The following NTRK3 variants were observed in gnomAD, a reference collection of about 807,000 sequenced individuals.
NTRK3 encodes the protein NT-3 growth factor receptor.
A neutral mutation model predicts 91.7 loss-of-function variants in NTRK3; 24 were observed. The observed-to-expected ratio is 0.26, with a 90% CI of 0.19 to 0.37. The LOEUF (loss-of-function observed/expected upper bound fraction) is 0.37, where lower values mean the gene tolerates loss of function less well. Ranked by LOEUF, NTRK3 falls within the 10% of genes least tolerant of loss-of-function variation. NTRK3 has a pLI of 1.00. For missense variants in NTRK3, 880 were observed against 1,068.9 expected (o/e 0.82, Z 2.46); for synonymous variants, 483 against 404.0 (o/e 1.20, Z -2.34).
chr15:88,036,925 G>A (rs371687227), intron 13 of NTRK3, among the ~76,000 whole-genome samples: 4 of 152,322 alleles, frequency 2.6e-5, no homozygotes, highest in African/African-American at 9.6e-5. Context: ...TTTTGTGAAA[G>A]GCTGTTTCTT....
At chr15:88,187,444 C>T (rs1317060981) in intron 3 of NTRK3, among the ~76,000 whole-genome samples, 1 of 152,068 alleles carries the variant, frequency 6.6e-6, no homozygotes, top group Non-Finnish European at 1.5e-5. Flanking sequence ...GTGACTCTGC[C>T]GGCTGGTGTG....
intron 6 of NTRK3, among the ~76,000 whole-genome samples, chr15:88,140,072 G>A (rs1387682678): frequency 6.6e-6 from 1 of 152,150 alleles, no homozygotes; most frequent in Non-Finnish European, 1.5e-5. Flanking sequence ...AAGGGCGAGT[G>A]GAAGCCAGAT....
Position 87,959,651 on chromosome 15 carries a change from G to A in NTRK3, c.1586-18898C>T, listed in dbSNP as rs1360006368. The stretch of plus-strand genomic sequence containing the variant: ...AGAAGCTCGGGTCTCGATCTTCATG[G>A]AACATCCCAGCTGCTCCTCAATCTG... On this transcript the variant is annotated intron_variant, in intron 14 of 18. Coordinates refer to ENST00000394480, the Ensembl canonical transcript of NTRK3. 2.6e-4 allele frequency among the ~76,000 whole-genome samples: 39 copies of A among 152,170 alleles called. 1 individual carries two copies. The highest frequency in any genetic ancestry group is 2.6e-3 in the Admixed American group (39 of 15,268).
intron 14 of NTRK3, among the ~76,000 whole-genome samples, chr15:87,990,014 T>G (rs536546558): frequency 6.6e-6 from 1 of 152,324 alleles, no homozygotes; most frequent in African/African-American, 2.4e-5. Context: ...GTCTAATTTG[T>G]TGCTGCTGTT....
chr15:88,168,203 A>C (rs1277325491), intron 5 of NTRK3, among the ~76,000 whole-genome samples: 1 of 152,224 alleles, frequency 6.6e-6, no homozygotes, highest in African/African-American at 2.4e-5. Flanking sequence ...CATGACTGTG[A>C]AATCACTTAA....
intron 6 of NTRK3, among the ~76,000 whole-genome samples, chr15:88,137,920 G>A (rs776008667): frequency 5.3e-5 from 8 of 151,852 alleles, no homozygotes; most frequent in South Asian, 2.1e-4. Flanking sequence ...GCGTGGTGGC[G>A]CACGCCTGTA....
intron 17 of NTRK3, among the ~76,000 whole-genome samples, chr15:87,892,889 T>C (rs1339900486): frequency 6.6e-6 from 1 of 152,176 alleles, no homozygotes; most frequent in Non-Finnish European, 1.5e-5. Flanking sequence ...GTTTAAGAAC[T>C]TGTTCATGTG....
intron 14 of NTRK3, among the ~76,000 whole-genome samples, chr15:87,976,696 C>A (rs2073748952): frequency 1.3e-5 from 2 of 152,198 alleles, no homozygotes; most frequent in African/African-American, 4.8e-5. Context: ...TGGCCTCTCC[C>A]TCCTGGCAGC....
chr15:87,889,218 C>T (rs2065719656), intron 17 of NTRK3, among the ~76,000 whole-genome samples: 1 of 152,046 alleles, frequency 6.6e-6, no homozygotes, highest in Non-Finnish European at 1.5e-5. Context: ...ACTATATTCA[C>T]CTCCCAGGGC....
intron 8 of NTRK3, 52 bp from the exon 9 acceptor site, chr15:88,136,092 T>TC: frequency 6.2e-7 from 1 of 1,603,460 alleles, no homozygotes; most frequent in Non-Finnish European, 8.5e-7. Flanking sequence ...CAAGGATGGC[T>TC]CTGCTACCTA....
At position 88,058,375 on chromosome 15, in the gene NTRK3, G is replaced by C. The variant is rs113754480; in HGVS notation, c.1397-25330C>G. Among the ~76,000 whole-genome samples, 35 of 152,264 alleles carry C rather than the reference G, an allele frequency of 2.3e-4. 1 individual carries two copies. Among genetic ancestry groups the C allele is most frequent in the African/African-American group, 6.7e-4 (28 of 41,548 alleles). On this transcript the variant is annotated intron_variant, in intron 13 of 18. Transcript: ENST00000394480. ...ATAGCCAACCTCATAGGATTGTTTT[G>C]AGGGTTAAATGAATATGTGAAAAGT... is the stretch of plus-strand genomic sequence containing the variant.
At chr15:88,065,660 T>C (rs1007936372) in intron 13 of NTRK3, among the ~76,000 whole-genome samples, 12 of 152,184 alleles carry the variant, frequency 7.9e-5, no homozygotes, top group African/African-American at 2.9e-4. Flanking sequence ...AGAAACTTGA[T>C]TAGCCAAGTT....
intron 3 of NTRK3, among the ~76,000 whole-genome samples, chr15:88,220,156 T>C (rs958058625): frequency 2.6e-5 from 4 of 152,108 alleles, no homozygotes; most frequent in Non-Finnish European, 5.9e-5. Context: ...TGAAAAAGAA[T>C]GCCAGTAGCA....
intron 14 of NTRK3, chr15:87,946,415 G>T (rs1288485881): frequency 6.6e-6 from 1 of 152,220 alleles, no homozygotes; most frequent in African/African-American, 2.4e-5. Context: ...GTCCCCAAAG[G>T]TGAGTGTGTG....
intron 17 of NTRK3, among the ~76,000 whole-genome samples, chr15:87,904,941 A>G (rs763981732): frequency 1.7e-4 from 26 of 152,328 alleles, no homozygotes; most frequent in Admixed American, 2.6e-4. Context: ...GGAGTATCCT[A>G]TGGAGGAAGA....
chr15:88,122,635 T>C (rs74027765), intron 13 of NTRK3, among the ~76,000 whole-genome samples: 112 of 152,288 alleles, frequency 7.4e-4, no homozygotes, highest in African/African-American at 2.6e-3. Context: ...TTAATCTTTG[T>C]CTTTTTCTGT....
In NTRK3 at chr15:88,013,029, GA is replaced by G. The variant is rs1415025942; in HGVS notation, c.1585+19827del. ...GCAGCTGAAACCGTGCACTGGTAAA[GA>G]CCCACTACCAGCAGCTGAAACCGTG... On this transcript the variant is annotated intron_variant, in intron 14 of 18. Transcript: ENST00000394480. Among the ~76,000 whole-genome samples the G allele has an allele frequency of 2.9e-4, 43 of 150,712 alleles. No individual in the cohort carries two copies. In the East Asian group the frequency reaches 4.3e-3, roughly 15 times the overall value.
chr15:88,112,182 A>AG (rs1225504755), intron 13 of NTRK3, among the ~76,000 whole-genome samples: 1 of 152,218 alleles, frequency 6.6e-6, no homozygotes, highest in Non-Finnish European at 1.5e-5. Context: ...CTAGGATTAC[A>AG]GGCGTGAGCC....
intron 14 of NTRK3, among the ~76,000 whole-genome samples, chr15:87,954,296 C>T (rs1304338969): frequency 6.6e-6 from 1 of 152,196 alleles, no homozygotes; most frequent in Non-Finnish European, 1.5e-5. Context: ...ACCCTAGAAA[C>T]TAGCCCTTTC....
Sources: gnomAD v4.1 joint callset for allele counts (sites outside exome capture counted in the v4.1 genomes callset) on GRCh38, gnomAD v4.1.1 for gene constraint, MANE v1.5 for transcripts, NCBI Gene and HGNC (gene_info 2026-07-23, HGNC 2026-07-21) for gene names.